Variants in MIPOL1 observed in about 807,000 individuals in gnomAD.
The protein encoded by MIPOL1 is mirror-image polydactyly 1.
In MIPOL1, 57 loss-of-function variants were observed where a neutral mutation model predicts 60.9. The observed-to-expected ratio is 0.94, with a 90% CI of 0.76 to 1.17. The LOEUF is 1.17. Among genes scored for constraint, MIPOL1 ranks in the 50% most tolerant of loss-of-function variants. The probability of loss-of-function intolerance (pLI) is 0.00; values close to 1 mark genes in which losing one functional copy is unlikely to be tolerated. For missense variants in MIPOL1, 551 were observed against 511.6 expected (o/e 1.08, Z -0.74); for synonymous variants, 179 against 168.8 (o/e 1.06, Z -0.47).
rs928924342 is a variant in MIPOL1 at position 37,197,941 on chromosome 14, C to T, written c.-362C>T. Reference sequence around the variant, plus strand: ...TGCGGCGCGCCGCCGCCCCGTAGGCCCCACGCGCCGCCCCGCTCCTCCGCC... The same window carrying T: ...TGCGGCGCGCCGCCGCCCCGTAGGCTCCACGCGCCGCCCCGCTCCTCCGCC... On this transcript the variant is annotated 5_prime_UTR_variant, in exon 1 of 13. Transcript: ENST00000684589. 3 of 152,088 alleles carry T rather than the reference C, an allele frequency of 2.0e-5. No homozygotes were observed. Among genetic ancestry groups the T allele is most frequent in the Non-Finnish European group, 4.4e-5 (3 of 68,062 alleles). The allele number at this position is 152,088 out of a possible 1,614,324, so 9.4% of individuals were successfully genotyped here. A position where few individuals can be genotyped will look rare whatever the true frequency, so the allele number is the denominator to read the frequency against.
At chr14:37,392,030 C>T (rs2093258672) in intron 10 of MIPOL1, among the ~76,000 whole-genome samples, 1 of 151,960 alleles carries the variant, frequency 6.6e-6, no homozygotes, top group African/African-American at 2.4e-5. Flanking sequence ...ACCAAGTGGA[C>T]TAAATGTTCC....
At chr14:37,531,060 C>T (rs942761441) in intron 12 of MIPOL1, among the ~76,000 whole-genome samples, 4 of 152,082 alleles carry the variant, frequency 2.6e-5, no homozygotes, top group Non-Finnish European at 4.4e-5. Flanking sequence ...TCATGTGATC[C>T]ACCCACCTCG....
chr14:37,417,247 A>C (rs2093786301), intron 10 of MIPOL1, among the ~76,000 whole-genome samples: 1 of 152,110 alleles, frequency 6.6e-6, no homozygotes, highest in South Asian at 2.1e-4. Flanking sequence ...CTCACTGCCC[A>C]TGAATCAGTT....
chr14:37,295,569 C>G (rs893584910), intron 7 of MIPOL1, among the ~76,000 whole-genome samples: 1 of 152,062 alleles, frequency 6.6e-6, no homozygotes, highest in Non-Finnish European at 1.5e-5. Context: ...ATCTCACATG[C>G]AGAGACACAC....
At chr14:37,500,275 T>C (rs903076554) in intron 12 of MIPOL1, 137 bp downstream of exon 12, 160 of 684,704 alleles carry the variant, frequency 2.3e-4, no homozygotes, top group Non-Finnish European at 3.5e-4. Context: ...CAGTGAACTT[T>C]TTTAGATTGG....
At chr14:37,251,543 G>T (rs1490651490) in intron 3 of MIPOL1, among the ~76,000 whole-genome samples, 2 of 149,998 alleles carry the variant, frequency 1.3e-5, no homozygotes, top group Non-Finnish European at 3.0e-5. Context: ...CTATTTAAGG[G>T]TTCTCTTTTG....
intron 10 of MIPOL1, among the ~76,000 whole-genome samples, chr14:37,388,802 C>T (rs368992294): frequency 1.3e-5 from 2 of 151,902 alleles, no homozygotes; most frequent in Admixed American, 6.6e-5. Flanking sequence ...TCATCCATGT[C>T]GTGTGTAATA....
In MIPOL1 at chr14:37,462,221, A is replaced by C. The variant is rs140026625; in HGVS notation, c.1032-37687A>C. ...GCTTAACACCACGTGGAAGCTGCCA[A>C]GGCTTGAGGCTTGCACCCTCTGAAG... is the stretch of plus-strand genomic sequence containing the variant. On this transcript the variant is annotated intron_variant, in intron 11 of 12. Transcript: ENST00000684589. Among the ~76,000 whole-genome samples, 259 of 152,318 alleles carry C rather than the reference A, an allele frequency of 1.7e-3. 1 individual carries two copies. The highest frequency in any genetic ancestry group is 5.9e-3 in the African/African-American group (245 of 41,580).
chr14:37,332,893 A>G (rs1188674252), intron 9 of MIPOL1, among the ~76,000 whole-genome samples: 2 of 152,206 alleles, frequency 1.3e-5, no homozygotes, highest in Admixed American at 6.5e-5. Flanking sequence ...TCATTTTGCT[A>G]TGATACACAA....
At chr14:37,479,436 G>A (rs2094827846) in intron 11 of MIPOL1, among the ~76,000 whole-genome samples, 1 of 151,972 alleles carries the variant, frequency 6.6e-6, no homozygotes, top group Admixed American at 6.5e-5. Context: ...ACATGCTCCT[G>A]AACAACCAAT....
At chr14:37,463,412 T>A (rs961478712) in intron 11 of MIPOL1, among the ~76,000 whole-genome samples, 2 of 152,008 alleles carry the variant, frequency 1.3e-5, no homozygotes, top group South Asian at 2.1e-4. Context: ...AAAATAGACA[T>A]ATAGATCAAT....
intron 9 of MIPOL1, among the ~76,000 whole-genome samples, chr14:37,322,525 C>A (rs562551463): frequency 3.3e-5 from 5 of 151,766 alleles, no homozygotes; most frequent in Non-Finnish European, 7.4e-5. Flanking sequence ...TTGTACTTGG[C>A]TCAGGAGGAT....
intron 9 of MIPOL1, among the ~76,000 whole-genome samples, chr14:37,347,275 A>G (rs1309275949): frequency 6.6e-6 from 1 of 152,226 alleles, no homozygotes; most frequent in Non-Finnish European, 1.5e-5. Context: ...AGGCATATAA[A>G]AAAGGATCAC....
intron 7 of MIPOL1, among the ~76,000 whole-genome samples, chr14:37,292,465 C>CTTTTTTTTTTTTTTTT (rs34055899): frequency 1.6e-5 from 1 of 63,442 alleles, no homozygotes; most frequent in Non-Finnish European, 2.8e-5. Context: ...CCTTAATAAA[C>CTTTTTTTTTTTTTTTT]TTTTTTTTTT....
rs150887193 is a variant in MIPOL1 at position 37,265,680 on chromosome 14, A to G, written c.20-1258A>G. Among the ~76,000 whole-genome samples, 5 of 152,282 alleles carry G rather than the reference A, an allele frequency of 3.3e-5. No individual in the cohort carries two copies. The East Asian group carries it at 5.8e-4, about 18-fold the overall frequency. On this transcript the variant is annotated intron_variant, in intron 3 of 12. Coordinates refer to ENST00000684589, the MANE Select transcript of MIPOL1 (RefSeq NM_001388067.1). ...AAACAAGACAGGCAGGAAAATTTTT[A>G]TAAGTCAGCCATGTGTATTCTAAAG...
chr14:37,400,582 A>ATTTTCCACT (rs1356837650), intron 10 of MIPOL1: 3 of 152,132 alleles, frequency 2.0e-5, no homozygotes, highest in African/African-American at 7.2e-5. Context: ...AAGGAGGACT[A>ATTTTCCACT]TTTTCCACTT....
intron 10 of MIPOL1, among the ~76,000 whole-genome samples, chr14:37,370,830 A>T (rs1012649722): frequency 3.3e-5 from 5 of 152,212 alleles, no homozygotes; most frequent in Admixed American, 1.3e-4. Context: ...TTACTATTTT[A>T]TGAAAACTAA....
intron 7 of MIPOL1, among the ~76,000 whole-genome samples, chr14:37,288,750 G>A (rs916456679): frequency 1.3e-5 from 2 of 151,996 alleles, no homozygotes; most frequent in Non-Finnish European, 2.9e-5. Flanking sequence ...GATGGAGGCT[G>A]CAGTGAACCT....
intron 11 of MIPOL1, among the ~76,000 whole-genome samples, chr14:37,462,429 C>T (rs1189847470): frequency 6.6e-6 from 1 of 152,210 alleles, no homozygotes; most frequent in Non-Finnish European, 1.5e-5. Context: ...CTGACATGTC[C>T]TGGAGACATT....
Sources: gnomAD v4.1 joint callset for allele counts (sites outside exome capture counted in the v4.1 genomes callset) on GRCh38, gnomAD v4.1.1 for gene constraint, MANE v1.5 for transcripts, NCBI Gene and HGNC (gene_info 2026-07-23, HGNC 2026-07-21) for gene names.